LEPR: variants seen among roughly 807,000 people sequenced by gnomAD.
LEPR encodes OB receptor.
LEPR carries 56 observed loss-of-function variants against 114.7 expected under a neutral mutation model. The ratio of observed to expected loss-of-function variants is 0.49; its 90% confidence interval spans 0.39 to 0.61. LEPR has a LOEUF of 0.61. LEPR is among the 20% of genes least tolerant of loss of function. The probability of loss-of-function intolerance (pLI) is 0.00; values close to 1 mark genes in which losing one functional copy is unlikely to be tolerated. For missense variants in LEPR, 1,202 were observed against 1,352.9 expected (o/e 0.89, Z 1.75); for synonymous variants, 443 against 461.4 (o/e 0.96, Z 0.51).
chr1:65,574,331 G>T (rs1470162355), intron 5 of LEPR, among the ~76,000 whole-genome samples: 1 of 152,104 alleles, frequency 6.6e-6, no homozygotes, highest in Non-Finnish European at 1.5e-5. Flanking sequence ...ACACCAACAT[G>T]GCACATGTAT....
At chr1:65,568,027 A>G (rs1653897936) in intron 3 of LEPR, among the ~76,000 whole-genome samples, 1 of 152,206 alleles carries the variant, frequency 6.6e-6, no homozygotes, top group Non-Finnish European at 1.5e-5. Context: ...AAACATACAG[A>G]AGAATTTCAC....
chr1:65,636,791 G>A lies in LEPR; in HGVS notation c.3274G>A (p.Val1092Met), dbSNP rs1658734178. 6 of 1,613,936 alleles carry A rather than the reference G, an allele frequency of 3.7e-6. No individual in the cohort carries two copies. Among genetic ancestry groups the A allele is most frequent in the Non-Finnish European group, 5.1e-6 (6 of 1,180,004 alleles). Residue 1092 changes from valine (V) to methionine (M), a missense_variant, in exon 20 of 20, where the codon GTG (valine) becomes ATG (methionine). Coordinates refer to ENST00000349533, the MANE Select transcript of LEPR (RefSeq NM_002303.6). ...CTCAATCAAAAAGAGAGAGAGTGGT[G>A]TGCTTTTGACTGACAAGTCAAGGGT... ...VTSIKKRESG[V>M]LLTDKSRVSC...
At chr1:65,558,526 GT>G (rs1187502644) in intron 2 of LEPR, among the ~76,000 whole-genome samples, 3 of 7,750 alleles carry the variant, frequency 3.9e-4, no homozygotes, top group African/African-American at 5.5e-4. Flanking sequence ...TGAATCAGAA[GT>G]TTTTTTTTTT....
intron 2 of LEPR, among the ~76,000 whole-genome samples, chr1:65,472,068 G>A (rs967013867): frequency 5.9e-5 from 9 of 152,058 alleles, no homozygotes; most frequent in Non-Finnish European, 7.4e-5. Context: ...CTTTAGTAAC[G>A]TAGTAAAATT....
intron 3 of LEPR, among the ~76,000 whole-genome samples, chr1:65,567,530 A>G (rs573017846): frequency 6.6e-6 from 1 of 152,318 alleles, no homozygotes; most frequent in Non-Finnish European, 1.5e-5. Flanking sequence ...TGTTATCAGT[A>G]TGGCCATAGT....
intron 2 of LEPR, among the ~76,000 whole-genome samples, chr1:65,514,418 C>T (rs892972190): frequency 6.6e-6 from 1 of 152,204 alleles, no homozygotes; most frequent in Non-Finnish European, 1.5e-5. Context: ...CCAAAGAACA[C>T]ATGGTCTTAC....
At chr1:65,540,004 C>G (rs1342571621) in intron 2 of LEPR, among the ~76,000 whole-genome samples, 1 of 152,164 alleles carries the variant, frequency 6.6e-6, no homozygotes, top group East Asian at 1.9e-4. Context: ...AAATTTCTTT[C>G]CTGCTTAGAC....
chr1:65,630,837 A>C (rs900497253), intron 19 of LEPR, among the ~76,000 whole-genome samples: 2 of 152,002 alleles, frequency 1.3e-5, no homozygotes, highest in African/African-American at 2.4e-5. Context: ...GGTTTTATGC[A>C]TATTTTCTTA....
intron 5 of LEPR, among the ~76,000 whole-genome samples, chr1:65,580,234 C>G (rs138090379): frequency 6.6e-6 from 1 of 152,252 alleles, no homozygotes; most frequent in African/African-American, 2.4e-5. Flanking sequence ...AAATAGGACT[C>G]TAATTCAATG....
chr1:65,585,981 A>G (rs1655287543), intron 5 of LEPR, among the ~76,000 whole-genome samples: 1 of 152,050 alleles, frequency 6.6e-6, no homozygotes, highest in Admixed American at 6.6e-5. Flanking sequence ...GAAAAGAATC[A>G]TTTGAAGTAA....
chr1:65,551,207 G>C (rs1005320955), intron 2 of LEPR, among the ~76,000 whole-genome samples: 3 of 152,048 alleles, frequency 2.0e-5, no homozygotes, highest in African/African-American at 7.3e-5. Context: ...CCAGGTTTTA[G>C]TATCAGGATG....
intron 17 of LEPR, 80 bp downstream of exon 17, chr1:65,620,103 T>A: frequency 9.2e-7 from 1 of 1,085,592 alleles, no homozygotes; most frequent in Non-Finnish European, 1.4e-6. Flanking sequence ...ATCTGATTAT[T>A]CTTTTTCTGA....
chr1:65,585,585 A>C (rs1355871436), intron 5 of LEPR, among the ~76,000 whole-genome samples: 1 of 152,058 alleles, frequency 6.6e-6, no homozygotes, highest in Non-Finnish European at 1.5e-5. Flanking sequence ...AACTGTTTTC[A>C]TACTATTTTC....
chr1:65,503,215 CATG>C (rs1648547352), intron 2 of LEPR, among the ~76,000 whole-genome samples: 1 of 152,060 alleles, frequency 6.6e-6, no homozygotes, highest in African/African-American at 2.4e-5. Flanking sequence ...AACCATTCTG[CATG>C]ATACCATAAT....
intron 2 of LEPR, among the ~76,000 whole-genome samples, chr1:65,426,235 A>AAAATCAG (rs1557581615): frequency 2.0e-5 from 3 of 152,160 alleles, no homozygotes; most frequent in African/African-American, 4.8e-5. Flanking sequence ...AGGCCCGGAG[A>AAAATCAG]CATGAAAGTG....
At chr1:65,432,517 C>A (rs1646500110) in intron 2 of LEPR, 5 of 708,824 alleles carry the variant, frequency 7.1e-6, no homozygotes, top group Non-Finnish European at 8.7e-6. Context: ...CCTTATCTTT[C>A]CAGTGGCTAA....
chr1:65,587,784 A>G (rs1655410018), intron 5 of LEPR, among the ~76,000 whole-genome samples: 1 of 152,080 alleles, frequency 6.6e-6, no homozygotes, highest in African/African-American at 2.4e-5. Flanking sequence ...ACTTGAAAAT[A>G]TATCATAATT....
intron 2 of LEPR, among the ~76,000 whole-genome samples, chr1:65,508,641 T>A (rs1293209777): frequency 6.6e-6 from 1 of 152,174 alleles, no homozygotes; most frequent in Non-Finnish European, 1.5e-5. Context: ...CTTTGACTTT[T>A]CTTTCTGGTC....
intron 19 of LEPR, among the ~76,000 whole-genome samples, chr1:65,629,844 A>G (rs1002818293): frequency 2.6e-5 from 4 of 151,988 alleles, no homozygotes; most frequent in Non-Finnish European, 2.9e-5. Flanking sequence ...TCCTACTTCA[A>G]TCAGGACTAG....
Sources: allele counts gnomAD v4.1 joint callset (sites outside exome capture counted in the v4.1 genomes callset), GRCh38; gene constraint gnomAD v4.1.1; transcripts MANE v1.5; gene names NCBI Gene and HGNC (gene_info 2026-07-23, HGNC 2026-07-21).